MTUS2: variants seen among roughly 807,000 people sequenced by gnomAD.
MTUS2 encodes the protein microtubule-associated tumor suppressor candidate 2.
In MTUS2, 40 loss-of-function variants were observed where a neutral mutation model predicts 114.1. The observed-to-expected ratio is 0.35, with a 90% CI of 0.27 to 0.46. The LOEUF is 0.46. Ranked by LOEUF, MTUS2 falls within the 20% of genes least tolerant of loss-of-function variation. The probability of loss-of-function intolerance (pLI) is 1.00; values close to 1 mark genes in which losing one functional copy is unlikely to be tolerated. For synonymous variants in MTUS2, 688 were observed against 672.0 expected (o/e 1.02, Z -0.37); for missense variants, 1,679 against 1,705.4 (o/e 0.98, Z 0.27).
At chr13:29,108,575 G>A (rs935011511) in intron 5 of MTUS2, among the ~76,000 whole-genome samples, 1 of 152,110 alleles carries the variant, frequency 6.6e-6, no homozygotes, top group Non-Finnish European at 1.5e-5. Context: ...TAAGCTCAGC[G>A]CCAGGGCTGC....
At chr13:28,880,522 G>A (rs1878223748) in intron 2 of MTUS2, among the ~76,000 whole-genome samples, 1 of 152,044 alleles carries the variant, frequency 6.6e-6, no homozygotes, top group African/African-American at 2.4e-5. Flanking sequence ...AAAAAGCAAA[G>A]GTTATAATAA....
intron 2 of MTUS2, among the ~76,000 whole-genome samples, chr13:28,947,969 A>G (rs1205897449): frequency 6.6e-6 from 1 of 152,116 alleles, no homozygotes; most frequent in African/African-American, 2.4e-5. Flanking sequence ...AATTGGTTTT[A>G]AGTATGTTGT....
chr13:29,407,735 T>C (rs890724735), intron 8 of MTUS2, among the ~76,000 whole-genome samples: 4 of 152,040 alleles, frequency 2.6e-5, no homozygotes, highest in Non-Finnish European at 5.9e-5. Flanking sequence ...TGCCGCAGCC[T>C]CCCAAAGTGC....
intron 5 of MTUS2, among the ~76,000 whole-genome samples, chr13:29,152,985 A>T (rs546308391): frequency 6.6e-6 from 1 of 152,272 alleles, no homozygotes; most frequent in Non-Finnish European, 1.5e-5. Context: ...GGGAGGCTTA[A>T]TGTGTGAAAG....
chr13:29,448,941 T>C (rs1566206452), intron 9 of MTUS2, among the ~76,000 whole-genome samples: 1 of 151,598 alleles, frequency 6.6e-6, no homozygotes, highest in African/African-American at 2.4e-5. Context: ...TTTAGTAGAG[T>C]TGGGGTTTCG....
chr13:29,288,758 C>T (rs1467848808), intron 6 of MTUS2, among the ~76,000 whole-genome samples: 3 of 152,216 alleles, frequency 2.0e-5, no homozygotes, highest in South Asian at 2.1e-4. Flanking sequence ...ATGGTTAACT[C>T]GCATTCTGCC....
At chr13:29,077,126 A>G (rs1003797522) in intron 4 of MTUS2, among the ~76,000 whole-genome samples, 8 of 152,192 alleles carry the variant, frequency 5.3e-5, no homozygotes, top group African/African-American at 1.2e-4. Flanking sequence ...CAGTTCTGAA[A>G]TGTGCCACTT....
chr13:28,882,504 G>A (rs1441187384), intron 2 of MTUS2, among the ~76,000 whole-genome samples: 1 of 152,154 alleles, frequency 6.6e-6, no homozygotes, highest in African/African-American at 2.4e-5. Context: ...CAGGGGCTGG[G>A]GTGGGAGGAT....
At chr13:28,880,478 A>G (rs187526039) in intron 2 of MTUS2, among the ~76,000 whole-genome samples, 45 of 152,364 alleles carry the variant, frequency 3.0e-4, no homozygotes, top group African/African-American at 1.1e-3. Context: ...TATTCATGCT[A>G]ACAACTTAGA....
rs56965083 is a variant in MTUS2 at position 29,200,521 on chromosome 13, G to GTTTTTTTTTTTTTTTTTTTTTTT, written c.2645-81167_2645-81166insTTTTTTTTTTTTTTTTTTTTTTT. Among the ~76,000 whole-genome samples the GTTTTTTTTTTTTTTTTTTTTTTT allele has an allele frequency of 1.9e-4, 16 of 85,418 alleles. 2 individuals carry two copies. Among genetic ancestry groups the GTTTTTTTTTTTTTTTTTTTTTTT allele is most frequent in the African/African-American group, 4.0e-4 (8 of 20,218 alleles). The allele number at this position is 85,418 out of a possible 152,430, so 56.0% of individuals were successfully genotyped here. ...TGGTTTTGAGTGAGTTTCTTTTTCTGTTTTTTTTTTTTTTTTGAGATGGAG... is the reference window on the plus strand; with the variant it reads ...TGGTTTTGAGTGAGTTTCTTTTTCTGTTTTTTTTTTTTTTTTTTTTTTTTTTTTTTTTTTTTTTTGAGATGGAG... On this transcript the variant is annotated intron_variant, in intron 5 of 15. Transcript: ENST00000612955.
chr13:29,317,468 G>T, intron 6 of MTUS2, among the ~76,000 whole-genome samples: 2 of 10,242 alleles, frequency 2.0e-4, no homozygotes, highest in Non-Finnish European at 2.6e-4. Flanking sequence ...GTCTCGCTCT[G>T]TCGCCCAGGC....
At chr13:29,099,118 A>G (rs184068747) in intron 4 of MTUS2, among the ~76,000 whole-genome samples, 44 of 152,354 alleles carry the variant, frequency 2.9e-4, no homozygotes, top group Admixed American at 8.5e-4. Flanking sequence ...AACTAAAAGT[A>G]TTCAAAATAA....
chr13:28,993,184 G>A (rs926758364), intron 2 of MTUS2, among the ~76,000 whole-genome samples: 1 of 152,212 alleles, frequency 6.6e-6, no homozygotes, highest in Non-Finnish European at 1.5e-5. Context: ...TGTGACTAAT[G>A]CTGCTGTAAA....
intron 5 of MTUS2, among the ~76,000 whole-genome samples, chr13:29,120,021 C>A (rs2071425079): frequency 6.6e-6 from 1 of 152,074 alleles, no homozygotes; most frequent in Admixed American, 6.5e-5. Context: ...ATAAGAAAAG[C>A]AAAGCCAATA....
At chr13:29,298,056 C>T (rs956310540) in intron 6 of MTUS2, among the ~76,000 whole-genome samples, 7 of 152,194 alleles carry the variant, frequency 4.6e-5, no homozygotes, top group Admixed American at 4.6e-4. Context: ...TATAATTTTA[C>T]ACTAATAGTG....
At chr13:29,022,686 G>T (rs1399576456) in intron 2 of MTUS2, among the ~76,000 whole-genome samples, 1 of 152,186 alleles carries the variant, frequency 6.6e-6, no homozygotes, top group Non-Finnish European at 1.5e-5. Flanking sequence ...GGGGGAATTG[G>T]TGACGGGGCA....
At chr13:29,490,636 T>G (rs1322888895) in intron 11 of MTUS2, among the ~76,000 whole-genome samples, 1 of 152,278 alleles carries the variant, frequency 6.6e-6, no homozygotes, top group East Asian at 1.9e-4. Context: ...AGTTCTTCCT[T>G]GCATCTGAGT....
chr13:29,503,434 C>A lies in MTUS2; in HGVS notation c.*228C>A. 1 of 590,628 alleles carries A rather than the reference C, an allele frequency of 1.7e-6. No individual in the cohort carries two copies. The allele number at this position is 590,628 out of a possible 1,614,324, so 36.6% of individuals were successfully genotyped here. ...TGCAAACGTTTTACCATAGTTAGAG[C>A]CAAAAGAAAGACACTTGCAATTGTT... On this transcript the variant is annotated 3_prime_UTR_variant, in exon 16 of 16. Transcript: ENST00000612955.
chr13:29,147,595 C>T (rs1224429924), intron 5 of MTUS2, among the ~76,000 whole-genome samples: 2 of 152,074 alleles, frequency 1.3e-5, no homozygotes, highest in Non-Finnish European at 2.9e-5. Flanking sequence ...CTCTCTCTCT[C>T]CCCGCTGTAC....
Sources: gnomAD v4.1 joint callset for allele counts (sites outside exome capture counted in the v4.1 genomes callset) on GRCh38, gnomAD v4.1.1 for gene constraint, MANE v1.5 for transcripts, NCBI Gene and HGNC (gene_info 2026-07-23, HGNC 2026-07-21) for gene names.